Variants in RPS6KB1 observed in about 807,000 individuals in gnomAD.
RPS6KB1 encodes the protein ribosomal protein S6 kinase B1, also known as ribosomal protein S6 kinase beta-1.
RPS6KB1 carries 12 observed loss-of-function variants against 70.2 expected under a neutral mutation model. The ratio of observed to expected loss-of-function variants is 0.17; its 90% CI spans 0.11 to 0.28. RPS6KB1 has a LOEUF of 0.28. Ranked by LOEUF, RPS6KB1 falls within the 10% of genes least tolerant of loss-of-function variation. RPS6KB1 has a pLI of 1.00. For synonymous variants in RPS6KB1, 175 were observed against 211.2 expected (o/e 0.83, Z 1.49); for missense variants, 270 against 646.6 (o/e 0.42, Z 6.32).
chr17:59,931,147 A>G (rs186847562), intron 6 of RPS6KB1: 157 of 161,406 alleles, frequency 9.7e-4, no homozygotes, highest in Non-Finnish European at 1.5e-3. Context: ...ATAAATATGT[A>G]GCTGTATTAA....
At chr17:59,925,411 A>G (rs1441511537) in intron 4 of RPS6KB1, among the ~76,000 whole-genome samples, 5 of 152,298 alleles carry the variant, frequency 3.3e-5, no homozygotes, top group Admixed American at 2.0e-4. Flanking sequence ...TATCTGTCCT[A>G]TTACTTATGC....
chr17:59,898,821 C>G (rs1489262235), intron 1 of RPS6KB1, among the ~76,000 whole-genome samples: 1 of 152,000 alleles, frequency 6.6e-6, no homozygotes, highest in African/African-American at 2.4e-5. Flanking sequence ...TCCATTTCCT[C>G]TAAGTTACTG....
At chr17:59,922,924 C>T (rs575834854) in intron 4 of RPS6KB1, among the ~76,000 whole-genome samples, 25 of 144,228 alleles carry the variant, frequency 1.7e-4, no homozygotes, top group African/African-American at 6.0e-4. Context: ...TGGAGTGCAA[C>T]GATGTGGTCT....
At chr17:59,917,225 C>G (rs2043009947) in intron 4 of RPS6KB1, among the ~76,000 whole-genome samples, 1 of 151,840 alleles carries the variant, frequency 6.6e-6, no homozygotes, top group African/African-American at 2.4e-5. Flanking sequence ...CTCAAGCTAT[C>G]CTCCCACCTC....
chr17:59,948,522 G>A lies in RPS6KB1; in HGVS notation c.*1734G>A, dbSNP rs1172428107. ...GAGCAAGGCTTTGCTTTTTGAAATT[G>A]CAACTCAAATGAGATGGGATGAAAT... On this transcript the variant is annotated 3_prime_UTR_variant, in exon 15 of 15. Transcript: ENST00000225577. The A allele has an allele frequency of 6.6e-6, 1 of 152,512 alleles. No individual in the cohort carries two copies. The highest frequency in any genetic ancestry group is 1.5e-5 in the Non-Finnish European group (1 of 68,016). 9.4% of individuals were successfully genotyped at this position (152,512 alleles called of 1,614,324 possible).
intron 4 of RPS6KB1, among the ~76,000 whole-genome samples, chr17:59,917,367 C>T (rs1255296845): frequency 1.3e-5 from 2 of 152,090 alleles, no homozygotes; most frequent in South Asian, 2.1e-4. Flanking sequence ...CCACCCGCCT[C>T]GGCCACCCAA....
At chr17:59,902,667 C>T (rs1040805855) in intron 1 of RPS6KB1, among the ~76,000 whole-genome samples, 9 of 151,258 alleles carry the variant, frequency 6.0e-5, no homozygotes, top group African/African-American at 2.2e-4. Flanking sequence ...GCTTCACCCT[C>T]CTGGGCTGAA....
chr17:59,947,496 A>G lies in RPS6KB1; in HGVS notation c.*708A>G, dbSNP rs1598851021. 3 of 1,504,944 alleles carry G rather than the reference A, an allele frequency of 2.0e-6. No individual in the cohort carries two copies. The highest frequency in any genetic ancestry group is 1.8e-6 in the Non-Finnish European group (2 of 1,121,504). The allele number at this position is 1,504,944 out of a possible 1,614,324, so 93.2% of individuals were successfully genotyped here. A position where few individuals can be genotyped will look rare whatever the true frequency, so the allele number is the denominator to read the frequency against. ...TGGCTCGTTTGAGGGATTGGGGTGG[A>G]CCTGGGGTTTATTTTCAGTAACCCA... On this transcript the variant is annotated 3_prime_UTR_variant, in exon 15 of 15. Coordinates refer to ENST00000225577, the MANE Select transcript of RPS6KB1 (RefSeq NM_003161.4).
intron 4 of RPS6KB1, 29 bp from the exon 5 acceptor site, chr17:59,926,406 G>A: frequency 4.7e-6 from 7 of 1,487,896 alleles, no homozygotes; most frequent in Non-Finnish European, 6.4e-6. Context: ...TCACTATTTT[G>A]TTCTTATAGA....
intron 13 of RPS6KB1, among the ~76,000 whole-genome samples, chr17:59,942,392 A>G (rs778658417): frequency 6.6e-6 from 1 of 152,230 alleles, no homozygotes; most frequent in African/African-American, 2.4e-5. Context: ...ATGTTGGCCA[A>G]CAGAAATGAT....
intron 5 of RPS6KB1, among the ~76,000 whole-genome samples, chr17:59,928,682 G>A (rs1382064776): frequency 2.6e-5 from 4 of 152,098 alleles, no homozygotes; most frequent in Non-Finnish European, 4.4e-5. Context: ...ATCAAGGACA[G>A]TATCTTACAT....
intron 4 of RPS6KB1, among the ~76,000 whole-genome samples, chr17:59,921,884 T>C (rs1447208953): frequency 1.3e-5 from 2 of 152,206 alleles, no homozygotes; most frequent in African/African-American, 4.8e-5. Context: ...CACTTTTGAC[T>C]TACTTGATTC....
At chr17:59,900,609 G>T (rs879561544) in intron 1 of RPS6KB1, among the ~76,000 whole-genome samples, 8 of 151,982 alleles carry the variant, frequency 5.3e-5, no homozygotes, top group African/African-American at 1.4e-4. Context: ...CAGGTGATCC[G>T]CCTGCCTTGG....
intron 1 of RPS6KB1, among the ~76,000 whole-genome samples, chr17:59,904,172 C>G (rs1255234664): frequency 6.6e-6 from 1 of 151,590 alleles, no homozygotes; most frequent in Non-Finnish European, 1.5e-5. Flanking sequence ...CCTCCACCTC[C>G]CAGGTTCAAG....
chr17:59,909,222 G>A (rs1186662727), intron 1 of RPS6KB1, among the ~76,000 whole-genome samples: 3 of 109,372 alleles, frequency 2.7e-5, no homozygotes, highest in East Asian at 3.0e-4. Flanking sequence ...GCCACCGCAC[G>A]TGGCTTTTTT....
intron 13 of RPS6KB1, among the ~76,000 whole-genome samples, chr17:59,942,077 T>C (rs893980213): frequency 8.6e-5 from 13 of 151,650 alleles, no homozygotes; most frequent in East Asian, 1.9e-4. Context: ...CCAGGATAGT[T>C]TTGATCTCCT....
At chr17:59,932,824 A>C (rs1445553363) in intron 7 of RPS6KB1, among the ~76,000 whole-genome samples, 1 of 152,202 alleles carries the variant, frequency 6.6e-6, no homozygotes, top group Non-Finnish European at 1.5e-5. Flanking sequence ...AATTGCTGGG[A>C]TTACAGGCAT....
chr17:59,893,154 C>G lies in RPS6KB1; in HGVS notation c.-31C>G. 1 of 1,600,292 alleles carries G rather than the reference C, an allele frequency of 6.2e-7. No individual in the cohort carries two copies. The highest frequency in any genetic ancestry group is 1.7e-4 in the Middle Eastern group (1 of 5,942). ...CCTAAGCAGCCGGTGATGGCGGCAGCGGCTGTGGTGGCTGCGGCGGGTCCG... is the reference window on the plus strand; with the variant it reads ...CCTAAGCAGCCGGTGATGGCGGCAGGGGCTGTGGTGGCTGCGGCGGGTCCG... On this transcript the variant is annotated 5_prime_UTR_variant, in exon 1 of 15. Transcript: ENST00000225577. The surrounding 1 kb of genome is among the most constrained non-coding windows in gnomAD (Gnocchi z 4.1).
chr17:59,905,680 A>G (rs1316279451), intron 1 of RPS6KB1, among the ~76,000 whole-genome samples: 3 of 151,696 alleles, frequency 2.0e-5, no homozygotes, highest in South Asian at 2.1e-4. Flanking sequence ...AATTTTTTAT[A>G]TTTTTAGTAG....
Sources: allele counts gnomAD v4.1 joint callset (sites outside exome capture counted in the v4.1 genomes callset), GRCh38; gene constraint gnomAD v4.1.1; non-coding constraint Gnocchi (gnomAD v3.1); transcripts MANE v1.5; gene names NCBI Gene and HGNC (gene_info 2026-07-23, HGNC 2026-07-21).